Variants in FOXN3 observed in about 807,000 individuals in gnomAD.
FOXN3 encodes forkhead box N3.
In FOXN3, 7 loss-of-function variants were observed where a neutral mutation model predicts 38.4. That is an observed-to-expected ratio of 0.18 (90% confidence interval 0.10 to 0.34). FOXN3 has a LOEUF of 0.34. FOXN3 is among the 10% of genes least tolerant of loss of function. The probability of loss-of-function intolerance (pLI) is 1.00; values close to 1 mark genes in which losing one functional copy is unlikely to be tolerated. For synonymous variants in FOXN3, 230 were observed against 242.2 expected (o/e 0.95, Z 0.47); for missense variants, 456 against 613.4 (o/e 0.74, Z 2.71).
chr14:89,439,340 T>A, intron 1 of FOXN3, among the ~76,000 whole-genome samples: 1 of 152,172 alleles, frequency 6.6e-6, no homozygotes, highest in East Asian at 1.9e-4. Context: ...CAGGATGAAA[T>A]GAGAGGTCAG....
rs538530112 is a variant in FOXN3, at chr14:89,563,382, G to C, written c.-15+55646C>G. ...CCGCAGTGAGGCAGACAGTATCCCA[G>C]GTGTCCCACAGCCATACAGAATGGC... On this transcript the variant is annotated intron_variant, in intron 1 of 6. Coordinates refer to the FOXN3 transcript ENST00000345097. Among the ~76,000 whole-genome samples the C allele has an allele frequency of 3.4e-4, 52 of 152,298 alleles. No individual in the cohort carries two copies. The South Asian group carries it at 0.01, about 30-fold the overall frequency.
At chr14:89,360,793 C>CCACCACCTCCAG (rs1566966516) in intron 2 of FOXN3, among the ~76,000 whole-genome samples, 2 of 93,284 alleles carry the variant, frequency 2.1e-5, no homozygotes, top group Non-Finnish European at 2.2e-5. Flanking sequence ...ACCTCCACCA[C>CCACCACCTCCAG]CACCACCTCC....
At position 89,357,608 on chromosome 14, in the gene FOXN3, C is replaced by CA. The variant is rs920632343; in HGVS notation, c.544-6801dup. Among the ~76,000 whole-genome samples, 604 of 129,926 alleles carry CA rather than the reference C, an allele frequency of 4.6e-3. 11 individuals are homozygous for CA. The highest frequency in any genetic ancestry group is 0.043 in the East Asian group (197 of 4,600). 85.2% of individuals were successfully genotyped at this position (129,926 alleles called of 152,430 possible). On this transcript the variant is annotated intron_variant, in intron 2 of 5. Coordinates refer to ENST00000557258, the MANE Select transcript of FOXN3 (RefSeq NM_005197.4). Reference sequence around the variant, plus strand: ...GGGAAACAAGAGTGAAACTCCATCTCAAAAAAAAAAAAGAGAGAGAGAGAG... The same window carrying CA: ...GGGAAACAAGAGTGAAACTCCATCTCAAAAAAAAAAAAAGAGAGAGAGAGAG...
chr14:89,387,671 G>C (rs1890831123), intron 2 of FOXN3, among the ~76,000 whole-genome samples: 1 of 152,212 alleles, frequency 6.6e-6, no homozygotes. Flanking sequence ...GAGAGAGAGA[G>C]AGATTAATAA....
intron 1 of FOXN3, among the ~76,000 whole-genome samples, chr14:89,447,045 A>G (rs1165762352): frequency 6.6e-6 from 1 of 151,962 alleles, no homozygotes; most frequent in Non-Finnish European, 1.5e-5. Flanking sequence ...AAAAATACAA[A>G]ATTAGCCGGG....
intron 2 of FOXN3, among the ~76,000 whole-genome samples, chr14:89,385,499 T>TAAAAAAAAA (rs10681650): frequency 0.012 from 1,277 of 108,578 alleles, 21 homozygotes; most frequent in South Asian, 0.041. Context: ...GGCAAACATT[T>TAAAAAAAAA]AAAAAAAAAA....
Position 89,415,815 on chromosome 14 carries a change from T to C in FOXN3, c.-15+1056A>G, listed in dbSNP as rs563840064. ...CTGCTCCACCAGATACGCAAATAGT[T>C]ATTCACTGGTGACCTCCTTACAACT... On this transcript the variant is annotated intron_variant, in intron 1 of 5. Coordinates refer to ENST00000557258, the MANE Select transcript of FOXN3 (RefSeq NM_005197.4). Among the ~76,000 whole-genome samples the C allele has an allele frequency of 1.8e-4, 19 of 106,812 alleles. 1 individual carries two copies. The East Asian group carries it at 5.9e-3, about 33-fold the overall frequency. The allele number at this position is 106,812 out of a possible 152,430, so 70.1% of individuals were successfully genotyped here. A position where few individuals can be genotyped will look rare whatever the true frequency, so the allele number is the denominator to read the frequency against.
intron 1 of FOXN3, among the ~76,000 whole-genome samples, chr14:89,423,938 G>C (rs1395764779): frequency 6.6e-6 from 1 of 152,164 alleles, no homozygotes; most frequent in African/African-American, 2.4e-5. Flanking sequence ...CTGGGAAGAG[G>C]CAATAAACCC....
At chr14:89,198,140 A>G (rs1403137974) in intron 4 of FOXN3, among the ~76,000 whole-genome samples, 1 of 152,216 alleles carries the variant, frequency 6.6e-6, no homozygotes, top group Non-Finnish European at 1.5e-5. Flanking sequence ...ACTGTTGCTG[A>G]CATGTATACT....
At chr14:89,288,665 T>G (rs1212191136) in intron 3 of FOXN3, among the ~76,000 whole-genome samples, 2,190 of 45,270 alleles carry the variant, frequency 0.048, 267 homozygotes, top group East Asian at 0.17. Flanking sequence ...TAATAGGCAC[T>G]CTCTTTCTCT....
intron 5 of FOXN3, among the ~76,000 whole-genome samples, chr14:89,166,043 C>T (rs146435977): frequency 6.0e-4 from 92 of 152,298 alleles, no homozygotes; most frequent in Admixed American, 5.7e-3. Flanking sequence ...GCAAGTGCTC[C>T]ACAGTGCTGA....
At chr14:89,505,870 A>G (rs1893911764) in intron 1 of FOXN3, among the ~76,000 whole-genome samples, 1 of 141,470 alleles carries the variant, frequency 7.1e-6, no homozygotes, top group East Asian at 2.1e-4. Flanking sequence ...AGATGTGGGG[A>G]GCGCCTCTGC....
At chr14:89,269,807 C>T (rs145015157) in intron 4 of FOXN3, among the ~76,000 whole-genome samples, 77 of 152,250 alleles carry the variant, frequency 5.1e-4, no homozygotes, top group Non-Finnish European at 9.6e-4. Flanking sequence ...TATGCTTGTG[C>T]AGAATGAACC....
rs1391399228 is a variant in FOXN3, at chr14:89,296,906, G to A, written c.681-15892C>T. Among the ~76,000 whole-genome samples the A allele has an allele frequency of 8.5e-5, 13 of 152,118 alleles. No individual in the cohort carries two copies. In the East Asian group the frequency reaches 1.9e-3, roughly 23 times the overall value. On this transcript the variant is annotated intron_variant, in intron 3 of 5. Transcript: ENST00000557258. ...CCCGCCTCGGCCTCCCAAAGTGCTG[G>A]GATTACAGATGTGAGCCACCGCATC...
At chr14:89,416,182 T>C (rs1891716763) in intron 1 of FOXN3, among the ~76,000 whole-genome samples, 1 of 152,120 alleles carries the variant, frequency 6.6e-6, no homozygotes, top group African/African-American at 2.4e-5. Flanking sequence ...TCAAAAACAT[T>C]TCAAGGGGAC....
intron 2 of FOXN3, among the ~76,000 whole-genome samples, chr14:89,352,288 A>G (rs112679955): frequency 0.023 from 3,435 of 152,326 alleles, 79 homozygotes; most frequent in Non-Finnish European, 0.031. Context: ...TCACGCACAC[A>G]TTCTCAAACC....
chr14:89,439,135 C>A (rs1391817643), intron 1 of FOXN3, among the ~76,000 whole-genome samples: 1 of 152,184 alleles, frequency 6.6e-6, no homozygotes, highest in East Asian at 1.9e-4. Flanking sequence ...CTGCATCCAA[C>A]CCTGTGTGTG....
chr14:89,174,746 A>C (rs1436475570), intron 5 of FOXN3, among the ~76,000 whole-genome samples: 1 of 152,222 alleles, frequency 6.6e-6, no homozygotes, highest in East Asian at 1.9e-4. Flanking sequence ...AAATGGGCCC[A>C]GGAGGGAATT....
At chr14:89,543,222 G>C (rs1894825015) in intron 1 of FOXN3, among the ~76,000 whole-genome samples, 1 of 152,196 alleles carries the variant, frequency 6.6e-6, no homozygotes, top group African/African-American at 2.4e-5. Context: ...AATGAGGTCA[G>C]TCTTCTCTGC....
Sources: allele counts gnomAD v4.1 joint callset (sites outside exome capture counted in the v4.1 genomes callset), GRCh38; gene constraint gnomAD v4.1.1; transcripts MANE v1.5; gene names NCBI Gene and HGNC (gene_info 2026-07-23, HGNC 2026-07-21).